Variants in NOL4L observed in about 807,000 individuals in gnomAD.
NOL4L encodes nucleolar protein 4-like.
NOL4L carries 7 observed loss-of-function variants against 64.5 expected under a neutral mutation model. The observed-to-expected ratio is 0.11, with a 90% CI of 0.06 to 0.20. NOL4L has a LOEUF of 0.20. Among genes scored for constraint, NOL4L ranks in the 10% least tolerant of loss-of-function variants. The probability of loss-of-function intolerance (pLI) is 1.00; values close to 1 mark genes in which losing one functional copy is unlikely to be tolerated. For synonymous variants in NOL4L, 413 were observed against 401.0 expected (o/e 1.03, Z -0.36); for missense variants, 680 against 967.1 (o/e 0.70, Z 3.94).
chr20:32,544,506 T>C (rs1477222972), intron 1 of NOL4L, among the ~76,000 whole-genome samples: 3 of 152,072 alleles, frequency 2.0e-5, no homozygotes, highest in Non-Finnish European at 2.9e-5. Context: ...AACAAGGATT[T>C]TTCTCCAGGC....
intron 4 of NOL4L, among the ~76,000 whole-genome samples, chr20:32,508,436 C>T (rs2017227261): frequency 3.3e-5 from 5 of 152,198 alleles, no homozygotes; most frequent in Admixed American, 3.3e-4. Flanking sequence ...AGCCATAAAA[C>T]AGGGATAACG....
In NOL4L at chr20:32,443,316, T is replaced by C. The variant is rs1289712314; in HGVS notation, c.*4280A>G. The C allele has an allele frequency of 6.6e-6, 1 of 152,220 alleles. No individual in the cohort carries two copies. The highest frequency in any genetic ancestry group is 1.9e-4 in the East Asian group (1 of 5,204). The allele number at this position is 152,220 out of a possible 1,614,324, so 9.4% of individuals were successfully genotyped here. A position where few individuals can be genotyped will look rare whatever the true frequency, so the allele number is the denominator to read the frequency against. Reference sequence around the variant, plus strand: ...AAGACACATTCTAAGAATTAAAATATTAAGCCACATTTACTGGTAAAACTC... The same window carrying C: ...AAGACACATTCTAAGAATTAAAATACTAAGCCACATTTACTGGTAAAACTC... On this transcript the variant is annotated 3_prime_UTR_variant, in exon 11 of 11. Transcript: ENST00000621426.
intron 4 of NOL4L, chr20:32,486,593 G>C (rs2016094944): frequency 5.1e-6 from 2 of 389,288 alleles, no homozygotes; most frequent in Non-Finnish European, 1.1e-5. Context: ...GGACAAATAG[G>C]ATCTTAGCGT....
intron 1 of NOL4L, among the ~76,000 whole-genome samples, chr20:32,580,174 T>G (rs1980378976): frequency 6.6e-6 from 1 of 152,094 alleles, no homozygotes; most frequent in African/African-American, 2.4e-5. Flanking sequence ...GTTCTGAACC[T>G]CCCTAAGCCT....
In NOL4L at chr20:32,517,795, C is replaced by A. The variant is rs536276306; in HGVS notation, c.589+3016G>T. On this transcript the variant is annotated intron_variant, in intron 3 of 10. Transcript: ENST00000621426. The stretch of plus-strand genomic sequence containing the variant: ...GGTGATGCTCCCCAGGCACCCGCTG[C>A]GTCCCAGGTGCCCTCCACAATAGGC... Among the ~76,000 whole-genome samples the A allele has an allele frequency of 7.2e-5, 11 of 152,318 alleles. No homozygotes were observed. In the South Asian group the frequency reaches 8.3e-4, roughly 11 times the overall value.
intron 3 of NOL4L, among the ~76,000 whole-genome samples, chr20:32,514,044 A>G (rs1177282221): frequency 6.6e-6 from 1 of 152,214 alleles, no homozygotes; most frequent in Non-Finnish European, 1.5e-5. Context: ...TGGGGCCTAG[A>G]GGATGGGGGT....
intron 4 of NOL4L, among the ~76,000 whole-genome samples, chr20:32,485,087 A>AAAAAAAAAAAAAAAAC (rs2016022458): frequency 7.3e-6 from 1 of 137,702 alleles, no homozygotes; most frequent in Non-Finnish European, 1.6e-5. Flanking sequence ...AAAAAAAAAA[A>AAAAAAAAAAAAAAAAC]CAACTAAAAA....
chr20:32,498,564 A>T (rs997582053), intron 4 of NOL4L, among the ~76,000 whole-genome samples: 1 of 151,740 alleles, frequency 6.6e-6, no homozygotes, highest in Non-Finnish European at 1.5e-5. Context: ...GGAGTTCAAG[A>T]CCAGCCTGGG....
chr20:32,584,885 C>A lies in NOL4L; in HGVS notation c.6G>T (p.Pro2=), dbSNP rs1332448531. The A allele has an allele frequency of 2.3e-6, 3 of 1,276,880 alleles. No individual in the cohort carries two copies. In the South Asian group the frequency reaches 8.1e-5, roughly 35 times the overall value. 79.1% of individuals were successfully genotyped at this position (1,276,880 alleles called of 1,614,324 possible). M[P]KPTLLLRGGW... The stretch of plus-strand genomic sequence containing the variant: ...CCCCGCGCAGCAGCAGCGTCGGCTT[C>A]GGCATCCTCCCGCCGCGCCCGGCGC... The change falls in exon 1 of 11, where the codon CCG becomes CCT. Residue 2 remains proline, a synonymous_variant. Transcript: ENST00000621426.
At chr20:32,536,424 T>C (rs1310709299) in intron 1 of NOL4L, 28 of 563,366 alleles carry the variant, frequency 5.0e-5, no homozygotes, top group Non-Finnish European at 5.4e-5. Flanking sequence ...CTAATGACTG[T>C]TGACAGCGCG....
intron 4 of NOL4L, among the ~76,000 whole-genome samples, chr20:32,475,581 G>A (rs2015340144): frequency 6.6e-6 from 1 of 152,246 alleles, no homozygotes; most frequent in Admixed American, 6.5e-5. Context: ...CAGGGGGAAG[G>A]GCCCCCACCT....
At chr20:32,534,912 T>C (rs918726007) in intron 1 of NOL4L, among the ~76,000 whole-genome samples, 4 of 146,964 alleles carry the variant, frequency 2.7e-5, no homozygotes, top group Admixed American at 2.7e-4. Context: ...CAGCCAGAAC[T>C]GGAGTTTTAG....
intron 1 of NOL4L, among the ~76,000 whole-genome samples, chr20:32,538,773 G>T (rs982375745): frequency 6.6e-6 from 1 of 152,188 alleles, no homozygotes; most frequent in Non-Finnish European, 1.5e-5. Flanking sequence ...AGCGGCAGGC[G>T]GGTGCCGTCA....
intron 4 of NOL4L, among the ~76,000 whole-genome samples, chr20:32,478,480 T>A (rs1462533398): frequency 6.6e-6 from 1 of 152,206 alleles, no homozygotes; most frequent in Non-Finnish European, 1.5e-5. Flanking sequence ...GTGGACACAC[T>A]GCCTAGTCAC....
intron 6 of NOL4L, among the ~76,000 whole-genome samples, chr20:32,455,307 A>G (rs1312257031): frequency 6.6e-6 from 1 of 152,230 alleles, no homozygotes; most frequent in Non-Finnish European, 1.5e-5. Flanking sequence ...TCTGGCCAGA[A>G]CCTGCTCCCA....
chr20:32,574,524 G>C (rs1223592879), intron 1 of NOL4L, among the ~76,000 whole-genome samples: 4 of 152,146 alleles, frequency 2.6e-5, no homozygotes, highest in African/African-American at 9.7e-5. Context: ...ACCCCTGAGG[G>C]CTGTCCTCAG....
chr20:32,560,122 G>A (rs897607022), intron 1 of NOL4L, among the ~76,000 whole-genome samples: 1 of 152,256 alleles, frequency 6.6e-6, no homozygotes, highest in Non-Finnish European at 1.5e-5. Flanking sequence ...GCAGGGGAAG[G>A]GAGCACTGGT....
intron 3 of NOL4L, among the ~76,000 whole-genome samples, chr20:32,518,054 C>A (rs757721946): frequency 6.6e-6 from 1 of 152,204 alleles, no homozygotes; most frequent in Non-Finnish European, 1.5e-5. Context: ...GAGGGACACA[C>A]AGTGGGGAAC....
Position 32,584,877 on chromosome 20 carries a change from G to C in NOL4L, c.14C>G (p.Thr5Arg). The C allele has an allele frequency of 7.5e-7, 1 of 1,325,396 alleles. No individual in the cohort carries two copies. Among genetic ancestry groups the C allele is most frequent in the Non-Finnish European group, 9.7e-7 (1 of 1,032,102 alleles). 82.1% of individuals were successfully genotyped at this position (1,325,396 alleles called of 1,614,324 possible). A position where few individuals can be genotyped will look rare whatever the true frequency, so the allele number is the denominator to read the frequency against. Reference protein sequence around the residue: MPKPTLLLRGGWERE... With the variant: MPKPRLLLRGGWERE... ...CTCCCAGCCCCCGCGCAGCAGCAGCGTCGGCTTCGGCATCCTCCCGCCGCG... is the reference window on the plus strand; with the variant it reads ...CTCCCAGCCCCCGCGCAGCAGCAGCCTCGGCTTCGGCATCCTCCCGCCGCG... Residue 5 changes from threonine to arginine, a missense_variant, in exon 1 of 11, where the codon ACG becomes AGG. Physicochemically the swap from Thr to Arg is moderately conservative, Grantham distance 71. Transcript: ENST00000621426.
Sources: allele counts gnomAD v4.1 joint callset (sites outside exome capture counted in the v4.1 genomes callset), GRCh38; gene constraint gnomAD v4.1.1; transcripts MANE v1.5; gene names NCBI Gene and HGNC (gene_info 2026-07-23, HGNC 2026-07-21).